The following KCTD16 variants were observed in gnomAD, a reference collection of about 807,000 sequenced individuals.
The protein encoded by KCTD16 is potassium channel tetramerization domain containing 16, also known as BTB/POZ domain-containing protein KCTD16.
In KCTD16, 13 loss-of-function variants were observed where a neutral mutation model predicts 33.2. The ratio of observed to expected loss-of-function variants is 0.39; its 90% CI spans 0.25 to 0.62. KCTD16 has a LOEUF of 0.62. Ranked by LOEUF, KCTD16 falls within the 20% of genes least tolerant of loss-of-function variation. KCTD16 has a pLI of 0.50. For synonymous variants in KCTD16, 197 were observed against 195.3 expected (o/e 1.01, Z -0.07); for missense variants, 441 against 525.1 (o/e 0.84, Z 1.57).
chr5:144,304,370 G>A (rs1184111820), intron 3 of KCTD16, among the ~76,000 whole-genome samples: 2 of 152,030 alleles, frequency 1.3e-5, no homozygotes, highest in African/African-American at 4.8e-5. Context: ...CTCATTCCAG[G>A]GGAGTCCAGA....
intron 3 of KCTD16, among the ~76,000 whole-genome samples, chr5:144,239,787 T>C (rs961104254): frequency 2.0e-5 from 3 of 152,152 alleles, no homozygotes; most frequent in African/African-American, 7.2e-5. Flanking sequence ...ATAAACTATA[T>C]GTAGATTTTA....
chr5:144,192,366 A>G (rs1171692010), intron 2 of KCTD16, among the ~76,000 whole-genome samples: 2 of 152,254 alleles, frequency 1.3e-5, no homozygotes, highest in South Asian at 2.1e-4. Flanking sequence ...CATATGTTCA[A>G]TGTGATACAC....
At chr5:144,313,387 G>A (rs937967653) in intron 3 of KCTD16, among the ~76,000 whole-genome samples, 1 of 152,148 alleles carries the variant, frequency 6.6e-6, no homozygotes, top group African/African-American at 2.4e-5. Flanking sequence ...TTATAGATGA[G>A]CACTTTCACT....
intron 3 of KCTD16, among the ~76,000 whole-genome samples, chr5:144,413,187 A>T (rs1174889324): frequency 7.2e-5 from 11 of 152,202 alleles, no homozygotes; most frequent in African/African-American, 2.7e-4. Flanking sequence ...AAATGAGGTC[A>T]TTAGAGTGGG....
At chr5:144,253,127 A>G (rs532954399) in intron 3 of KCTD16, among the ~76,000 whole-genome samples, 10 of 152,228 alleles carry the variant, frequency 6.6e-5, no homozygotes, top group African/African-American at 2.2e-4. Flanking sequence ...GCTTCTCCCA[A>G]ATGAAGCCCC....
intron 3 of KCTD16, among the ~76,000 whole-genome samples, chr5:144,409,126 C>T (rs114322679): frequency 3.9e-5 from 6 of 152,308 alleles, no homozygotes; most frequent in African/African-American, 1.4e-4. Context: ...GTTGAATGAA[C>T]TGGAAGTCAA....
intron 3 of KCTD16, among the ~76,000 whole-genome samples, chr5:144,299,140 ATATATATATTTTTT>A (rs1407431873): frequency 4.4e-4 from 12 of 27,024 alleles, no homozygotes; most frequent in African/African-American, 1.9e-3. Flanking sequence ...ATATATATAT[ATATATATATTTTTT>A]TTTTTTTTTT....
intron 3 of KCTD16, among the ~76,000 whole-genome samples, chr5:144,243,235 T>C (rs1259604444): frequency 6.6e-6 from 1 of 152,160 alleles, no homozygotes; most frequent in Non-Finnish European, 1.5e-5. Context: ...ATGTGGATCT[T>C]GATTATTTGA....
chr5:144,251,867 C>T (rs1754710130), intron 3 of KCTD16, among the ~76,000 whole-genome samples: 1 of 152,118 alleles, frequency 6.6e-6, no homozygotes. Context: ...ATGAAGAAGT[C>T]TTTCTTTTGA....
chr5:144,269,166 CAG>C (rs1006405504), intron 3 of KCTD16, among the ~76,000 whole-genome samples: 2 of 151,778 alleles, frequency 1.3e-5, no homozygotes, highest in African/African-American at 2.4e-5. Context: ...GGAAAAGGGG[CAG>C]AGAGAATATT....
chr5:144,230,374 TAAG>T (rs1754066203), intron 3 of KCTD16, among the ~76,000 whole-genome samples: 2 of 152,186 alleles, frequency 1.3e-5, no homozygotes, highest in African/African-American at 4.8e-5. Flanking sequence ...ATATTGGTGA[TAAG>T]AACCATATAT....
intron 3 of KCTD16, among the ~76,000 whole-genome samples, chr5:144,247,030 T>G (rs1261933796): frequency 6.6e-6 from 1 of 152,242 alleles, no homozygotes; most frequent in African/African-American, 2.4e-5. Flanking sequence ...CTCAGGGGTA[T>G]TGTGAGAATT....
chr5:144,440,333 G>T (rs889988407), intron 3 of KCTD16, among the ~76,000 whole-genome samples: 1 of 152,076 alleles, frequency 6.6e-6, no homozygotes, highest in African/African-American at 2.4e-5. Context: ...TGTATTTTCT[G>T]CAGAAAATAG....
chr5:144,295,152 AG>A (rs1356672614), intron 3 of KCTD16, among the ~76,000 whole-genome samples: 1 of 152,252 alleles, frequency 6.6e-6, no homozygotes, highest in Non-Finnish European at 1.5e-5. Flanking sequence ...TAAAGTGCCA[AG>A]CAAAGTGTCA....
At chr5:144,416,610 A>G (rs73795546) in intron 3 of KCTD16, among the ~76,000 whole-genome samples, 2,641 of 152,284 alleles carry the variant, frequency 0.017, 73 homozygotes, top group African/African-American at 0.056. Context: ...TTTTACTTAA[A>G]AAAATTGAAG....
intron 3 of KCTD16, among the ~76,000 whole-genome samples, chr5:144,406,892 T>A (rs993846873): frequency 2.0e-5 from 3 of 152,200 alleles, no homozygotes; most frequent in Non-Finnish European, 4.4e-5. Context: ...TCATTGGTCA[T>A]TCTCAGTTTA....
chr5:144,467,088 T>A (rs13356467), intron 3 of KCTD16, among the ~76,000 whole-genome samples: 1 of 133,750 alleles, frequency 7.5e-6, no homozygotes, highest in Admixed American at 7.8e-5. Flanking sequence ...TATAGTGTTA[T>A]ATATATTATA....
chr5:144,285,691 G>A (rs562542634), intron 3 of KCTD16, among the ~76,000 whole-genome samples: 2 of 152,304 alleles, frequency 1.3e-5, no homozygotes, highest in Admixed American at 1.3e-4. Context: ...CATGAAAGAA[G>A]CATTTCTATT....
Position 144,337,215 on chromosome 5 carries a change from G to A in KCTD16, c.832+129669G>A, listed in dbSNP as rs1480637482. ...AATGGGCATTTTTGCGTTGCGTGCT[G>A]TAGAATGATTTCTCCAGGATACACA... On this transcript the variant is annotated intron_variant, in intron 3 of 3. Coordinates refer to ENST00000512467, the MANE Select transcript of KCTD16 (RefSeq NM_020768.4). 2.0e-5 allele frequency among the ~76,000 whole-genome samples: 3 copies of A among 151,964 alleles called. No homozygotes were observed. The East Asian group carries it at 5.8e-4, about 29-fold the overall frequency.
Sources: gnomAD v4.1 joint callset for allele counts (sites outside exome capture counted in the v4.1 genomes callset) on GRCh38, gnomAD v4.1.1 for gene constraint, MANE v1.5 for transcripts, NCBI Gene and HGNC (gene_info 2026-07-23, HGNC 2026-07-21) for gene names.